The following GFRA1 variants were observed in gnomAD, a reference collection of about 807,000 sequenced individuals.
GFRA1 encodes GDNF family receptor alpha 1.
In GFRA1, 16 loss-of-function variants were observed where a neutral mutation model predicts 51.6. That is an observed-to-expected ratio of 0.31 (90% CI 0.21 to 0.47). The LOEUF (loss-of-function observed/expected upper bound fraction) is 0.47. Ranked by LOEUF, GFRA1 falls within the 20% of genes least tolerant of loss-of-function variation. The pLI is 1.00. For synonymous variants in GFRA1, 270 were observed against 241.3 expected, an observed-to-expected ratio of 1.12 and a Z score of -1.10; for missense variants, 530 against 594.3, an observed-to-expected ratio of 0.89 and a Z score of 1.13.
chr10:116,065,717 C>CTGATAAATA (rs1955074629), intron 9 of GFRA1, 91 bp from the exon 10 acceptor site: 1 of 959,936 alleles, frequency 1.0e-6, no homozygotes, highest in Admixed American at 1.9e-5. Flanking sequence ...GCAATGCTCT[C>CTGATAAATA]TGATAAATAT....
intron 4 of GFRA1, among the ~76,000 whole-genome samples, chr10:116,235,442 G>A (rs762524958): frequency 1.3e-5 from 2 of 152,086 alleles, no homozygotes; most frequent in Non-Finnish European, 2.9e-5. Flanking sequence ...CTAAAGTCCT[G>A]CACCAAAACT....
chr10:116,257,199 G>A (rs1968929506), intron 4 of GFRA1, among the ~76,000 whole-genome samples: 1 of 152,126 alleles, frequency 6.6e-6, no homozygotes, highest in African/African-American at 2.4e-5. Context: ...ATGCCTCCTA[G>A]CAGCCGAGGC....
At chr10:116,110,945 G>A (rs968212938) in intron 6 of GFRA1, among the ~76,000 whole-genome samples, 2 of 152,136 alleles carry the variant, frequency 1.3e-5, no homozygotes, top group African/African-American at 4.8e-5. Context: ...TTGGTTCACA[G>A]AATCACAGCA....
chr10:116,194,446 T>A (rs1439157779), intron 5 of GFRA1, among the ~76,000 whole-genome samples: 2 of 152,122 alleles, frequency 1.3e-5, no homozygotes, highest in South Asian at 2.1e-4. Flanking sequence ...CCTGAAGAAA[T>A]CGAAAGGGAG....
chr10:116,073,447 A>G (rs1955489886), intron 9 of GFRA1, among the ~76,000 whole-genome samples: 1 of 152,230 alleles, frequency 6.6e-6, no homozygotes, highest in Non-Finnish European at 1.5e-5. Context: ...AAATATTCAG[A>G]CAAGAAGCAA....
At chr10:116,132,831 T>C (rs1958160007) in intron 5 of GFRA1, among the ~76,000 whole-genome samples, 1 of 152,132 alleles carries the variant, frequency 6.6e-6, no homozygotes, top group Admixed American at 6.5e-5. Context: ...ATTTACACCC[T>C]TGGAGTCAAA....
At chr10:116,114,261 A>G (rs530101718) in intron 6 of GFRA1, among the ~76,000 whole-genome samples, 1 of 152,322 alleles carries the variant, frequency 6.6e-6, no homozygotes, top group Non-Finnish European at 1.5e-5. Context: ...TCCAGACAAT[A>G]GTGAATCTCC....
Position 116,077,150 on chromosome 10 carries a change from G to A in GFRA1, c.1198-11524C>T, listed in dbSNP as rs77643992. Reference sequence around the variant, plus strand: ...CTTCTCTGGAGAGAACCAATTTATCGCCTGTTTAAGCTGGAGTTCTCCTGG... The same window carrying A: ...CTTCTCTGGAGAGAACCAATTTATCACCTGTTTAAGCTGGAGTTCTCCTGG... On this transcript the variant is annotated intron_variant, in intron 9 of 10. Coordinates refer to ENST00000355422, the MANE Select transcript of GFRA1 (RefSeq NM_005264.8). Among the ~76,000 whole-genome samples the A allele has an allele frequency of 9.5e-3, 1,446 of 152,230 alleles. 24 individuals are homozygous for A. Among genetic ancestry groups the A allele is most frequent in the African/African-American group, 0.031 (1,304 of 41,528 alleles).
rs535326145 is a variant in GFRA1 at position 116,147,858 on chromosome 10, C to T, written c.434-22301G>A. On this transcript the variant is annotated intron_variant, in intron 5 of 10. Transcript: ENST00000355422. ...CACGCACGCTCCTCCCCCAGATATCCGCTTCCGGGGGACCCCAGTGGAGGT... is the reference window on the plus strand; with the variant it reads ...CACGCACGCTCCTCCCCCAGATATCTGCTTCCGGGGGACCCCAGTGGAGGT... Among the ~76,000 whole-genome samples, 138 of 152,156 alleles carry T rather than the reference C, an allele frequency of 9.1e-4. 1 individual carries two copies. Among genetic ancestry groups the T allele is most frequent in the African/African-American group, 3.0e-3 (126 of 41,520 alleles).
rs1020672953 is a variant in GFRA1, at chr10:116,060,869, C to T, written c.*3529G>A. On this transcript the variant is annotated 3_prime_UTR_variant, in exon 11 of 11. Coordinates refer to ENST00000355422, the MANE Select transcript of GFRA1 (RefSeq NM_005264.8). Reference sequence around the variant, plus strand: ...TTCCAAAAGACAGCTCCTCTGAGGCCACAATTTTGTAAATAATAACAACAG... The same window carrying T: ...TTCCAAAAGACAGCTCCTCTGAGGCTACAATTTTGTAAATAATAACAACAG... 2 of 152,140 alleles carry T rather than the reference C, an allele frequency of 1.3e-5. No homozygotes were observed. Among genetic ancestry groups the T allele is most frequent in the Non-Finnish European group, 2.9e-5 (2 of 68,024 alleles). The allele number at this position is 152,140 out of a possible 1,614,324, so 9.4% of individuals were successfully genotyped here. A position where few individuals can be genotyped will look rare whatever the true frequency, so the allele number is the denominator to read the frequency against.
chr10:116,218,083 G>C (rs1478629964), intron 4 of GFRA1, among the ~76,000 whole-genome samples: 1 of 152,144 alleles, frequency 6.6e-6, no homozygotes, highest in Non-Finnish European at 1.5e-5. Context: ...TTTAAGCCTT[G>C]ACATCAGTGA....
intron 4 of GFRA1, among the ~76,000 whole-genome samples, chr10:116,225,774 A>G (rs1966253959): frequency 6.6e-6 from 1 of 151,852 alleles, no homozygotes; most frequent in Non-Finnish European, 1.5e-5. Context: ...TTTTTAGTAG[A>G]TATGGGGTTT....
intron 4 of GFRA1, among the ~76,000 whole-genome samples, chr10:116,222,297 C>T (rs1352867979): frequency 1.3e-5 from 2 of 152,170 alleles, no homozygotes; most frequent in African/African-American, 2.4e-5. Context: ...CTTCTAGGTT[C>T]AAGCTATTCT....
At chr10:116,121,466 G>A (rs867637988) in intron 6 of GFRA1, among the ~76,000 whole-genome samples, 8 of 152,212 alleles carry the variant, frequency 5.3e-5, no homozygotes, top group African/African-American at 1.7e-4. Context: ...AAGGAAAAAG[G>A]AAAACAAAGT....
At chr10:116,145,249 T>G (rs576234441) in intron 5 of GFRA1, among the ~76,000 whole-genome samples, 1 of 140,034 alleles carries the variant, frequency 7.1e-6, no homozygotes, top group African/African-American at 2.7e-5. Flanking sequence ...TAGGAAAAGA[T>G]AGATGGACTC....
At chr10:116,259,444 C>G (rs77919785) in intron 4 of GFRA1, among the ~76,000 whole-genome samples, 1 of 151,554 alleles carries the variant, frequency 6.6e-6, no homozygotes, top group African/African-American at 2.4e-5. Context: ...AAAAAAGATA[C>G]AATCCAGAAA....
intron 3 of GFRA1, 75 bp from the exon 4 acceptor site, chr10:116,269,661 A>T: frequency 1.2e-6 from 1 of 847,846 alleles, no homozygotes; most frequent in Non-Finnish European, 2.0e-6. Flanking sequence ...CTGAATCTGA[A>T]TTCTAATTAT....
In GFRA1 at chr10:116,203,165, A is replaced by T. The variant is rs537331809; in HGVS notation, c.433+8466T>A. 5.9e-4 allele frequency among the ~76,000 whole-genome samples: 90 copies of T among 152,252 alleles called. 1 individual carries two copies. Among genetic ancestry groups the T allele is most frequent in the Middle Eastern group, 6.8e-3 (2 of 294 alleles). On this transcript the variant is annotated intron_variant, in intron 5 of 10. Transcript: ENST00000355422. ...AGCCATCAGCAGAACATATTACCAA[A>T]CCTACTGTCAAGTGTAAAGAACACA...
At chr10:116,201,811 C>T (rs927917579) in intron 5 of GFRA1, among the ~76,000 whole-genome samples, 1 of 152,032 alleles carries the variant, frequency 6.6e-6, no homozygotes, top group Non-Finnish European at 1.5e-5. Context: ...CAAACACTGT[C>T]CCCACCCCCC....
Sources: gnomAD v4.1 joint callset for allele counts (sites outside exome capture counted in the v4.1 genomes callset) on GRCh38, gnomAD v4.1.1 for gene constraint, MANE v1.5 for transcripts, NCBI Gene and HGNC (gene_info 2026-07-23, HGNC 2026-07-21) for gene names.